Variants in ERI1 observed in about 807,000 individuals in gnomAD.
ERI1 encodes the protein 3'-5' exoribonuclease 1.
Under a neutral mutation model 39.7 loss-of-function variants are expected in ERI1, and 39 were observed. The observed-to-expected ratio is 0.98, with a 90% CI of 0.76 to 1.28. The LOEUF is 1.28. Among genes scored for constraint, ERI1 ranks in the 50% most tolerant of loss-of-function variants. The probability of loss-of-function intolerance (pLI) is 0.00; values close to 1 mark genes in which losing one functional copy is unlikely to be tolerated. For missense variants in ERI1, 581 were observed against 416.9 expected (o/e 1.39, Z -3.43); for synonymous variants, 204 against 149.6 (o/e 1.36, Z -2.65).
At chr8:9,094,570 T>C (rs1436114020) in intron 3 of ERI1, among the ~76,000 whole-genome samples, 2 of 152,150 alleles carry the variant, frequency 1.3e-5, no homozygotes, top group Non-Finnish European at 2.9e-5. Flanking sequence ...GATGATGAGT[T>C]TCCAGCAACC....
chr8:9,015,950 T>C (rs1185809745), intron 3 of ERI1, among the ~76,000 whole-genome samples: 2 of 152,186 alleles, frequency 1.3e-5, no homozygotes, highest in African/African-American at 4.8e-5. Context: ...CAGGCTGGCA[T>C]TTCTTCAAAA....
At chr8:9,088,718 TC>T (rs1292689373) in intron 3 of ERI1, 1 of 152,218 alleles carries the variant, frequency 6.6e-6, no homozygotes, top group African/African-American at 2.4e-5. Flanking sequence ...GCAGCACACT[TC>T]CTTTTCACCA....
intron 6 of ERI1, among the ~76,000 whole-genome samples, chr8:9,025,702 T>TTTGTGTGTGTG (rs1554519271): frequency 4.0e-4 from 59 of 147,772 alleles, no homozygotes; most frequent in African/African-American, 1.4e-3. Context: ...TCTTTTTTTT[T>TTTGTGTGTGTG]TGTGTGTGTG....
chr8:9,014,977 A>G (rs1417413289), intron 3 of ERI1, among the ~76,000 whole-genome samples: 2 of 152,090 alleles, frequency 1.3e-5, no homozygotes, highest in South Asian at 2.1e-4. Flanking sequence ...AGTTGGAACT[A>G]TACGTGCATG....
chr8:9,063,797 A>G (rs1798780654), intron 3 of ERI1, among the ~76,000 whole-genome samples: 1 of 152,152 alleles, frequency 6.6e-6, no homozygotes, highest in East Asian at 1.9e-4. Context: ...ACCACTGTAG[A>G]GTTTATACTG....
intron 3 of ERI1, among the ~76,000 whole-genome samples, chr8:9,080,686 A>G (rs1172523930): frequency 6.6e-6 from 1 of 152,100 alleles, no homozygotes; most frequent in Non-Finnish European, 1.5e-5. Context: ...AGCAGCACAG[A>G]GCTCTGAGTG....
chr8:9,055,688 C>T (rs561850594), intron 3 of ERI1, among the ~76,000 whole-genome samples: 7 of 152,100 alleles, frequency 4.6e-5, no homozygotes, highest in African/African-American at 9.7e-5. Flanking sequence ...TACAGGCACC[C>T]GCCACCATGC....
intron 3 of ERI1, among the ~76,000 whole-genome samples, chr8:9,064,180 C>CG (rs34805783): frequency 0.11 from 16,740 of 147,918 alleles, 1,097 homozygotes; most frequent in Non-Finnish European, 0.14. Flanking sequence ...AATAAGGGAT[C>CG]GGGGGGTTCT....
intron 3 of ERI1, among the ~76,000 whole-genome samples, chr8:9,058,438 C>T (rs537308061): frequency 2.6e-5 from 4 of 152,182 alleles, no homozygotes; most frequent in South Asian, 4.1e-4. Flanking sequence ...TAATCCCTGC[C>T]GTGAGAATTC....
rs73524209 is a variant in ERI1, at chr8:9,008,639, T to G, written c.287+491T>G. On this transcript the variant is annotated intron_variant, in intron 2 of 6. Coordinates refer to ENST00000250263, the MANE Select transcript of ERI1 (RefSeq NM_153332.4). ...GCATTATGTTTCACTGTATATTGAG[T>G]GAGAAAACAATGCAACTTAGTCAAC... Among the ~76,000 whole-genome samples, 908 of 152,318 alleles carry G rather than the reference T, an allele frequency of 6.0e-3. 16 individuals carry two copies. Among genetic ancestry groups the G allele is most frequent in the African/African-American group, 0.021 (853 of 41,578 alleles).
intron 3 of ERI1, among the ~76,000 whole-genome samples, chr8:9,047,542 T>A (rs143889576): frequency 8.4e-4 from 127 of 151,934 alleles, no homozygotes; most frequent in African/African-American, 2.9e-3. Context: ...TTAGCCAGGC[T>A]AATTTTTACA....
At chr8:9,056,874 C>A (rs1314076497) in intron 3 of ERI1, among the ~76,000 whole-genome samples, 1 of 152,202 alleles carries the variant, frequency 6.6e-6, no homozygotes, top group Non-Finnish European at 1.5e-5. Flanking sequence ...TGCTCTGTCA[C>A]CCAGGCTGGA....
intron 3 of ERI1, among the ~76,000 whole-genome samples, chr8:9,046,366 C>G (rs536549038): frequency 3.3e-5 from 5 of 152,222 alleles, no homozygotes; most frequent in Non-Finnish European, 7.3e-5. Context: ...ATATGCGAGA[C>G]TGCCTAGAGG....
In ERI1 at chr8:9,061,920, T is replaced by C. The variant is rs578011808; in HGVS notation, n.299+41456T>C. On this transcript the variant is annotated intron_variant and non_coding_transcript_variant, in intron 3 of 3. Coordinates refer to the ERI1 transcript ENST00000518663. ...GTGCAAAGGAATAGTAAAGAAAGCA[T>C]GTTTGAGATCCAGAACAGAATAATG... 7.6e-4 allele frequency among the ~76,000 whole-genome samples: 115 copies of C among 151,948 alleles called. 1 individual carries two copies. Among genetic ancestry groups the C allele is most frequent in the African/African-American group, 2.7e-3 (110 of 41,386 alleles).
intron 3 of ERI1, among the ~76,000 whole-genome samples, chr8:9,090,463 G>C (rs1256056602): frequency 2.6e-5 from 4 of 152,174 alleles, no homozygotes; most frequent in Non-Finnish European, 5.9e-5. Flanking sequence ...CTAGCTTATT[G>C]ATTATGGTAA....
downstream of ERI1, among the ~76,000 whole-genome samples, chr8:9,033,780 A>G (rs567318133): frequency 3.3e-5 from 5 of 151,884 alleles, no homozygotes; most frequent in East Asian, 9.6e-4. Context: ...TCTCTGTGCT[A>G]TGCTGCCTCC....
At position 9,030,976 on chromosome 8, in the gene ERI1, C is replaced by T. The variant is rs1480909124; in HGVS notation, c.*942C>T. 6.6e-6 allele frequency: 1 copy of T among 152,112 alleles called. No individual in the cohort carries two copies. The highest frequency in any genetic ancestry group is 1.5e-5 in the Non-Finnish European group (1 of 67,988). The allele number at this position is 152,112 out of a possible 1,614,324, so 9.4% of individuals were successfully genotyped here. ...GTTAGTCAATAAAAGACTTGTTTTT[C>T]TGATTTTACATAGTAAATGGCTGCT... On this transcript the variant is annotated 3_prime_UTR_variant, in exon 7 of 7. Transcript: ENST00000250263.
intron 3 of ERI1, among the ~76,000 whole-genome samples, chr8:9,039,041 A>G (rs1797939550): frequency 2.6e-5 from 4 of 152,318 alleles, no homozygotes; most frequent in South Asian, 4.1e-4. Context: ...AATTTTTGAA[A>G]GGTGCCTAAC....
At chr8:9,013,441 C>G (rs1430892061) in intron 3 of ERI1, among the ~76,000 whole-genome samples, 1 of 152,078 alleles carries the variant, frequency 6.6e-6, no homozygotes, top group African/African-American at 2.4e-5. Flanking sequence ...TACTGGATTC[C>G]CCACTTGCAG....
Sources: allele counts gnomAD v4.1 joint callset (sites outside exome capture counted in the v4.1 genomes callset), GRCh38; gene constraint gnomAD v4.1.1; transcripts MANE v1.5; gene names NCBI Gene and HGNC (gene_info 2026-07-23, HGNC 2026-07-21).